SLC38A9: variants seen among roughly 807,000 people sequenced by gnomAD.
SLC38A9 encodes the protein solute carrier family 38 member 9.
A neutral mutation model predicts 62.3 loss-of-function variants in SLC38A9; 48 were observed. The observed-to-expected ratio is 0.77, with a 90% CI of 0.61 to 0.98. SLC38A9 has a LOEUF of 0.98. Ranked by LOEUF, SLC38A9 falls within the 50% of genes least tolerant of loss-of-function variation. SLC38A9 has a pLI of 0.00. For synonymous variants in SLC38A9, 204 were observed against 227.7 expected (o/e 0.90, Z 0.94); for missense variants, 541 against 679.8 (o/e 0.80, Z 2.27).
chr5:55,672,628 C>T lies in SLC38A9; in HGVS notation c.181G>A (p.Ala61Thr). ...NHVIQRVSDH[A>T]SAMNKRIHYY... ...TGAATTCTCTTGTTCATGGCAGAGG[C>T]ATGGTCACTAACCCTCTGAATGACA... Residue 61 changes from alanine to threonine, a missense_variant, in exon 4 of 16, where the codon GCC becomes ACC. Ala to Thr is a moderately conservative substitution (Grantham distance 58, BLOSUM62 0). Transcript: ENST00000396865. 6.2e-7 allele frequency: 1 copy of T among 1,614,076 alleles called. No homozygotes were observed. Among genetic ancestry groups the T allele is most frequent in the Non-Finnish European group, 8.5e-7 (1 of 1,179,988 alleles).
intron 8 of SLC38A9, among the ~76,000 whole-genome samples, chr5:55,664,028 G>T (rs1451159825): frequency 6.6e-6 from 1 of 151,988 alleles, no homozygotes; most frequent in African/African-American, 2.4e-5. Context: ...TAAACTTCCA[G>T]CTCGGTACAG....
At chr5:55,661,464 A>C (rs1224072462) in intron 8 of SLC38A9, among the ~76,000 whole-genome samples, 3 of 149,958 alleles carry the variant, frequency 2.0e-5, no homozygotes, top group African/African-American at 7.4e-5. Flanking sequence ...AAAAAAAAAA[A>C]AAAAAAGGAA....
intron 3 of SLC38A9, among the ~76,000 whole-genome samples, chr5:55,680,927 C>A (rs1053082339): frequency 6.6e-6 from 1 of 152,226 alleles, no homozygotes; most frequent in Non-Finnish European, 1.5e-5. Context: ...CAGATAAAGG[C>A]AACAGCTCAA....
intron 2 of SLC38A9, among the ~76,000 whole-genome samples, chr5:55,709,607 C>G (rs1757738135): frequency 6.6e-6 from 1 of 151,858 alleles, no homozygotes; most frequent in South Asian, 2.1e-4. Context: ...AAAAAAAATA[C>G]TAAACAATAC....
intron 3 of SLC38A9, chr5:55,693,149 G>T: frequency 3.8e-6 from 1 of 259,944 alleles, no homozygotes; most frequent in Non-Finnish European, 6.0e-6. Context: ...CTACCTAACA[G>T]TATCTGCCAC....
chr5:55,680,840 A>C (rs1243007070), intron 3 of SLC38A9, among the ~76,000 whole-genome samples: 2 of 152,248 alleles, frequency 1.3e-5, no homozygotes, highest in African/African-American at 4.8e-5. Context: ...TTTTCAATCC[A>C]GATGGCAAAT....
intron 7 of SLC38A9, 43 bp from the exon 8 acceptor site, chr5:55,664,906 A>G (rs746450712): frequency 7.7e-7 from 1 of 1,306,026 alleles, no homozygotes; most frequent in South Asian, 1.7e-5. Context: ...TGTTGAACAT[A>G]TATTCCATAT....
chr5:55,683,606 A>G (rs1753343073), intron 3 of SLC38A9, among the ~76,000 whole-genome samples: 1 of 152,242 alleles, frequency 6.6e-6, no homozygotes, highest in African/African-American at 2.4e-5. Flanking sequence ...CATGAATGAA[A>G]TTAGTTTCAT....
rs758222641 is a variant in SLC38A9 at position 55,672,744 on chromosome 5, G to A, written c.114-49C>T. On this transcript the variant is annotated intron_variant, in intron 3 of 15. Coordinates refer to ENST00000396865, the MANE Select transcript of SLC38A9 (RefSeq NM_173514.4). ...CAAAAAGTGTTCAGCCAAAAATTCT[G>A]GAAGTCAGCCTTTGAAGAAAATAAC... The A allele has an allele frequency of 1.9e-6, 3 of 1,580,338 alleles. No individual in the cohort carries two copies. The African/African-American group carries it at 4.1e-5, about 21-fold the overall frequency.
chr5:55,626,726 A>G, intron 15 of SLC38A9, 67 bp from the exon 16 acceptor site: 1 of 1,407,834 alleles, frequency 7.1e-7, no homozygotes, highest in Non-Finnish European at 9.5e-7. Context: ...TAAGGTAAAC[A>G]TAGTACAATT....
At chr5:55,646,042 C>T (rs915093579) in intron 11 of SLC38A9, 147 bp from the exon 12 acceptor site, 2 of 606,736 alleles carry the variant, frequency 3.3e-6, no homozygotes, top group Non-Finnish European at 5.7e-6. Flanking sequence ...TCCTCGAGGC[C>T]AGCATTATAC....
intron 3 of SLC38A9, among the ~76,000 whole-genome samples, chr5:55,676,715 G>A (rs562001398): frequency 4.6e-5 from 7 of 152,058 alleles, no homozygotes; most frequent in Admixed American, 1.3e-4. Flanking sequence ...TTTCTACGAC[G>A]ACACATAGGT....
At chr5:55,700,359 C>CAAAA (rs145225219) in intron 2 of SLC38A9, among the ~76,000 whole-genome samples, 74,517 of 138,184 alleles carry the variant, frequency 0.54, 20,870 homozygotes, top group South Asian at 0.65. Context: ...ATAAAACAAG[C>CAAAA]CAAAAAAAAA....
At chr5:55,645,768 A>G (rs767602503) in intron 12 of SLC38A9, 21 bp downstream of exon 12, 9 of 1,528,970 alleles carry the variant, frequency 5.9e-6, no homozygotes, top group Middle Eastern at 1.8e-4. Flanking sequence ...ACAAAAGTCA[A>G]TTCCAAAGAT....
chr5:55,660,825 T>TA (rs1749381639), intron 8 of SLC38A9, among the ~76,000 whole-genome samples: 1 of 152,088 alleles, frequency 6.6e-6, no homozygotes, highest in African/African-American at 2.4e-5. Context: ...AAAAAATATC[T>TA]AAAAGGCTCC....
In SLC38A9 at chr5:55,669,839, T is replaced by C; in HGVS notation, c.287A>G (p.Tyr96Cys). The change falls in exon 5 of 16, where the codon TAT becomes TGT. Residue 96 changes from tyrosine to cysteine, a missense_variant. By Grantham distance (194) the Tyr-to-Cys change is radical. Transcript: ENST00000396865. ...DHVVPAPEECYVYSPLGSAYK... is the reference protein window; with the variant it reads ...DHVVPAPEECCVYSPLGSAYK... The stretch of plus-strand genomic sequence containing the variant: ...AGCAGAGCCCAATGGACTATACACA[T>C]AGCACTCTTCTGGAGCTGGAACTAC... 2 of 1,612,914 alleles carry C rather than the reference T, an allele frequency of 1.2e-6. No homozygotes were observed. Among genetic ancestry groups the C allele is most frequent in the Non-Finnish European group, 1.7e-6 (2 of 1,179,496 alleles).
intron 11 of SLC38A9, among the ~76,000 whole-genome samples, chr5:55,646,252 T>A (rs1746325157): frequency 6.6e-6 from 1 of 152,148 alleles, no homozygotes; most frequent in South Asian, 2.1e-4. Flanking sequence ...AAGCCTGTAA[T>A]CCCCGCTACT....
At chr5:55,696,708 CCCA>C (rs1755837083) in intron 3 of SLC38A9, 1 of 38,804 alleles carries the variant, frequency 2.6e-5, no homozygotes, top group South Asian at 1.4e-3. Context: ...GGCTGACCCC[CCCA>C]CCTCCCTCCC....
At chr5:55,672,423 T>C (rs1751473069) in intron 4 of SLC38A9, 140 bp downstream of exon 4, 1 of 870,528 alleles carries the variant, frequency 1.1e-6, no homozygotes, top group Non-Finnish European at 1.8e-6. Flanking sequence ...TGTGTGTTAA[T>C]TACTATCTTT....
Sources: allele counts gnomAD v4.1 joint callset (sites outside exome capture counted in the v4.1 genomes callset), GRCh38; gene constraint gnomAD v4.1.1; transcripts MANE v1.5; gene names NCBI Gene and HGNC (gene_info 2026-07-23, HGNC 2026-07-21).